NBAS: variants seen among roughly 807,000 people sequenced by gnomAD.
NBAS encodes the protein NBAS subunit of NRZ tethering complex, also known as NAG/BC035112 fusion.
A neutral mutation model predicts 302.5 loss-of-function variants in NBAS; 219 were observed. The ratio of observed to expected loss-of-function variants is 0.72; its 90% CI spans 0.65 to 0.81. The LOEUF is 0.81. Ranked by LOEUF, NBAS falls within the 30% of genes least tolerant of loss-of-function variation. The probability of loss-of-function intolerance (pLI) is 0.00; values close to 1 mark genes in which losing one functional copy is unlikely to be tolerated. For synonymous variants in NBAS, 1,118 were observed against 1,021.6 expected (o/e 1.09, Z -1.80); for missense variants, 2,932 against 2,841.6 (o/e 1.03, Z -0.72).
the NBAS span, among the ~76,000 whole-genome samples, chr2:15,034,204 G>A: frequency 0.78 from 89,583 of 115,288 alleles, 35,524 homozygotes; most frequent in East Asian, 0.98. Context: ...ACAAAGAGAA[G>A]GAAAGGAAAG....
the NBAS span, among the ~76,000 whole-genome samples, chr2:15,147,523 T>C: frequency 6.6e-6 from 1 of 151,806 alleles, no homozygotes; most frequent in African/African-American, 2.4e-5. Flanking sequence ...AATCCGGAGG[T>C]GGAGGTTGCT....
the NBAS span, among the ~76,000 whole-genome samples, chr2:15,156,184 A>G: frequency 6.6e-6 from 1 of 152,144 alleles, no homozygotes; most frequent in African/African-American, 2.4e-5. Flanking sequence ...AATGATGCTG[A>G]CAAAGACGGC....
At chr2:15,477,708 C>G (rs1326155269) in intron 13 of NBAS, among the ~76,000 whole-genome samples, 3 of 152,022 alleles carry the variant, frequency 2.0e-5, no homozygotes, top group African/African-American at 7.3e-5. Flanking sequence ...AAAAGTAACC[C>G]CTACAGGATT....
At chr2:15,473,936 T>A in intron 15 of NBAS, 131 bp downstream of exon 15, 1 of 1,098,248 alleles carries the variant, frequency 9.1e-7, no homozygotes, top group African/African-American at 1.6e-5. Flanking sequence ...TTTATAGAAC[T>A]GATATTTTTA....
the NBAS span, among the ~76,000 whole-genome samples, chr2:14,801,782 TAA>T: frequency 6.6e-6 from 1 of 152,212 alleles, no homozygotes; most frequent in African/African-American, 2.4e-5. Flanking sequence ...GGGATGTGAT[TAA>T]GTTATTTAAA....
At chr2:15,393,264 CAG>C (rs1469538582) in intron 28 of NBAS, among the ~76,000 whole-genome samples, 2 of 151,834 alleles carry the variant, frequency 1.3e-5, no homozygotes, top group Admixed American at 6.6e-5. Flanking sequence ...AATGAAAAGA[CAG>C]GGCACAAATG....
chr2:15,318,455 T>C (rs9710772), intron 38 of NBAS, among the ~76,000 whole-genome samples: 35,447 of 152,046 alleles, frequency 0.23, 4,523 homozygotes, highest in Middle Eastern at 0.39. Flanking sequence ...GACTGGCAAA[T>C]TGGGTAAAGA....
the NBAS span, among the ~76,000 whole-genome samples, chr2:15,068,322 G>A: frequency 6.6e-6 from 1 of 152,152 alleles, no homozygotes; most frequent in African/African-American, 2.4e-5. Context: ...CATCGATGCC[G>A]AATTCAGTGG....
the NBAS span, among the ~76,000 whole-genome samples, chr2:14,873,550 C>A: frequency 1.3e-5 from 2 of 151,864 alleles, no homozygotes; most frequent in South Asian, 2.1e-4. Flanking sequence ...AAAATATATA[C>A]CAGGATAGAC....
At chr2:15,267,473 GTA>G (rs1669130931) in intron 44 of NBAS, among the ~76,000 whole-genome samples, 1 of 152,176 alleles carries the variant, frequency 6.6e-6, no homozygotes, top group Admixed American at 6.5e-5. Context: ...GTTGAGTTCA[GTA>G]TGATTATAGA....
the NBAS span, among the ~76,000 whole-genome samples, chr2:14,976,420 G>A: frequency 1.3e-5 from 2 of 152,198 alleles, no homozygotes; most frequent in African/African-American, 4.8e-5. Context: ...GTCTACCAGA[G>A]AATATTTCTG....
At chr2:15,472,600 C>T (rs1459720147) in intron 16 of NBAS, among the ~76,000 whole-genome samples, 1 of 152,134 alleles carries the variant, frequency 6.6e-6, no homozygotes. Context: ...AAGCAGGCGT[C>T]CAGCTTTCCT....
intron 35 of NBAS, among the ~76,000 whole-genome samples, chr2:15,340,682 G>A (rs1672806626): frequency 6.6e-6 from 1 of 152,152 alleles, no homozygotes; most frequent in Non-Finnish European, 1.5e-5. Flanking sequence ...AGACAGAGAT[G>A]ATGTTTAAAG....
At chr2:15,429,911 C>T (rs976396460) in intron 21 of NBAS, among the ~76,000 whole-genome samples, 1 of 152,012 alleles carries the variant, frequency 6.6e-6, no homozygotes. Flanking sequence ...TCACAGATCA[C>T]TGAAAAGTAA....
chr2:15,352,356 T>C lies in NBAS; in HGVS notation c.4090-275A>G, dbSNP rs113825911. Among the ~76,000 whole-genome samples the C allele has an allele frequency of 5.4e-3, 821 of 152,228 alleles. 9 individuals carry two copies. Among genetic ancestry groups the C allele is most frequent in the African/African-American group, 0.019 (788 of 41,534 alleles). On this transcript the variant is annotated intron_variant, in intron 34 of 51. Coordinates refer to ENST00000281513, the MANE Select transcript of NBAS (RefSeq NM_015909.4). ...TTCAGGTCTGGAACAGCCTCAATTC[T>C]TGCCTCCAAAGAAGAAAAAATTTGA...
At chr2:14,807,540 T>C in the NBAS span, among the ~76,000 whole-genome samples, 1 of 152,054 alleles carries the variant, frequency 6.6e-6, no homozygotes, top group African/African-American at 2.4e-5. Flanking sequence ...CTTTGCCACA[T>C]AGGCAGTTTT....
intron 10 of NBAS, 134 bp downstream of exon 10, chr2:15,511,078 C>T (rs1255900568): frequency 3.7e-6 from 4 of 1,069,570 alleles, no homozygotes; most frequent in Admixed American, 2.3e-5. Flanking sequence ...AAAATTATAC[C>T]AGCATTAATT....
chr2:15,346,458 C>T (rs188024928), intron 35 of NBAS, among the ~76,000 whole-genome samples: 1 of 152,244 alleles, frequency 6.6e-6, no homozygotes, highest in East Asian at 1.9e-4. Context: ...GAGATACCAT[C>T]TCACGCCAGT....
At position 15,474,193 on chromosome 2, in the gene NBAS, C is replaced by T; in HGVS notation, c.1473G>A (p.Gln491=). 1 of 1,614,052 alleles carries T rather than the reference C, an allele frequency of 6.2e-7. No homozygotes were observed. Among genetic ancestry groups the T allele is most frequent in the Non-Finnish European group, 8.5e-7 (1 of 1,180,014 alleles). Residue 491 remains glutamine (Q), a synonymous_variant, in exon 15 of 52, where the codon CAG becomes CAA. Transcript: ENST00000281513. The stretch of plus-strand genomic sequence containing the variant: ...CCATTTCAGTCACCAAGTAAAGGCC[C>T]TGTTTTATATAACCAAAGTAGCGAG... ...AKARYFGYIK[Q]GLYLVTEMER...
Sources: allele counts gnomAD v4.1 joint callset (sites outside exome capture counted in the v4.1 genomes callset), GRCh38; gene constraint gnomAD v4.1.1; transcripts MANE v1.5; gene names NCBI Gene and HGNC (gene_info 2026-07-23, HGNC 2026-07-21).